The following LRRC40 variants were observed in gnomAD, a reference collection of about 807,000 sequenced individuals.
The protein encoded by LRRC40 is leucine rich repeat containing 40, also known as leucine-rich repeat-containing protein 40.
A neutral mutation model predicts 72.8 loss-of-function variants in LRRC40; 76 were observed. The ratio of observed to expected loss-of-function variants is 1.04; its 90% CI spans 0.87 to 1.26. The LOEUF (loss-of-function observed/expected upper bound fraction) is 1.26. Among genes scored for constraint, LRRC40 ranks in the 50% most tolerant of loss-of-function variants. The pLI is 0.00. For missense variants in LRRC40, 684 were observed against 698.9 expected, an observed-to-expected ratio of 0.98 and a Z score of 0.24; for synonymous variants, 243 against 254.2, an observed-to-expected ratio of 0.96 and a Z score of 0.42.
At chr1:70,187,195 A>G (rs1280607365) in intron 3 of LRRC40, 70 bp downstream of exon 3, 1 of 742,304 alleles carries the variant, frequency 1.3e-6, no homozygotes, top group East Asian at 2.8e-5. Flanking sequence ...TAATGTTGAG[A>G]AAATTTAAAG....
chr1:70,195,546 A>G (rs1668589973), intron 1 of LRRC40, among the ~76,000 whole-genome samples: 1 of 152,224 alleles, frequency 6.6e-6, no homozygotes, highest in African/African-American at 2.4e-5. Context: ...GACTGAATAC[A>G]AAGTGCTGGT....
intron 9 of LRRC40, among the ~76,000 whole-genome samples, chr1:70,169,642 G>C (rs1037953918): frequency 8.4e-4 from 127 of 152,002 alleles, no homozygotes; most frequent in African/African-American, 3.0e-3. Context: ...AAAATGAAAA[G>C]GATAAACTAT....
At chr1:70,193,997 C>T (rs1163166133) in intron 1 of LRRC40, among the ~76,000 whole-genome samples, 9 of 152,058 alleles carry the variant, frequency 5.9e-5, no homozygotes, top group East Asian at 1.9e-4. Context: ...TGGTGGAAGA[C>T]GCAGTGCTTT....
chr1:70,189,383 GA>G, intron 1 of LRRC40, 110 bp from the exon 2 acceptor site: 1 of 874,688 alleles, frequency 1.1e-6, no homozygotes. Flanking sequence ...TTTATCTATT[GA>G]AAAACATTTT....
At position 70,152,549 on chromosome 1, in the gene LRRC40, A is replaced by G. The variant is rs368416074; in HGVS notation, c.1329-6T>C. 6.8e-7 allele frequency: 1 copy of G among 1,471,408 alleles called. No homozygotes were observed. Among genetic ancestry groups the G allele is most frequent in the Non-Finnish European group, 9.5e-7 (1 of 1,053,770 alleles). 91.1% of individuals were successfully genotyped at this position (1,471,408 alleles called of 1,614,324 possible). On this transcript the variant is annotated splice_region_variant and splice_polypyrimidine_tract_variant and intron_variant, in intron 11 of 14. Coordinates refer to ENST00000370952, the MANE Select transcript of LRRC40 (RefSeq NM_017768.5). ...TTTCCTTCAGTTCTACCATCCTGAA[A>G]CAAAAATAATTTTAAAATGTTAGCA... is the stretch of plus-strand genomic sequence containing the variant.
At chr1:70,157,098 A>G (rs1667654291) in intron 10 of LRRC40, among the ~76,000 whole-genome samples, 1 of 152,214 alleles carries the variant, frequency 6.6e-6, no homozygotes, top group African/African-American at 2.4e-5. Flanking sequence ...ATGAATGACT[A>G]TGAACAGAAA....
intron 9 of LRRC40, among the ~76,000 whole-genome samples, chr1:70,160,965 G>C (rs1352336232): frequency 1.3e-5 from 2 of 151,112 alleles, no homozygotes; most frequent in Non-Finnish European, 2.9e-5. Flanking sequence ...CAATGGCAAC[G>C]AATAGAAGAT....
chr1:70,150,568 G>A (rs1009447821), intron 13 of LRRC40, among the ~76,000 whole-genome samples: 1 of 152,100 alleles, frequency 6.6e-6, no homozygotes, highest in African/African-American at 2.4e-5. Context: ...TCTAAGTTTC[G>A]TTGAGCACAA....
chr1:70,156,354 TAGAC>T (rs975506062), intron 10 of LRRC40, among the ~76,000 whole-genome samples: 33 of 152,220 alleles, frequency 2.2e-4, no homozygotes, highest in Middle Eastern at 3.4e-3. Context: ...TGTGACAAGG[TAGAC>T]AGAGCAGTGG....
In LRRC40 at chr1:70,152,419, G is replaced by GT. The variant is rs1558108964; in HGVS notation, c.1439+13dup. The stretch of plus-strand genomic sequence containing the variant: ...TAACTTTTTAAAAAGTCAAGCAATA[G>GT]TATCAATAAATACCTGAGATCTAAA... On this transcript the variant is annotated intron_variant, in intron 12 of 14. Coordinates refer to ENST00000370952, the MANE Select transcript of LRRC40 (RefSeq NM_017768.5). 1 of 1,255,298 alleles carries GT rather than the reference G, an allele frequency of 8.0e-7. No individual in the cohort carries two copies. The highest frequency in any genetic ancestry group is 1.2e-5 in the South Asian group (1 of 81,222). The allele number at this position is 1,255,298 out of a possible 1,614,324, so 77.8% of individuals were successfully genotyped here.
rs1668926212 is a variant in LRRC40 at position 70,205,474 on chromosome 1, A to T, written c.67T>A (p.Cys23Ser). 1 of 1,610,346 alleles carries T rather than the reference A, an allele frequency of 6.2e-7. No individual in the cohort carries two copies. The highest frequency in any genetic ancestry group is 1.3e-5 in the African/African-American group (1 of 74,934). The change falls in exon 1 of 15, where the codon TGC (cysteine) becomes AGC (serine). Residue 23 changes from cysteine to serine, a missense_variant. Physicochemically the swap from Cys to Ser is moderately radical, Grantham distance 112. Transcript: ENST00000370952. Reference sequence around the variant, plus strand: ...AGCCCTTGGGGTACCGAGGTACCGCAGTCTCTTCCACCTGCTTTGAAACCA... The same window carrying T: ...AGCCCTTGGGGTACCGAGGTACCGCTGTCTCTTCCACCTGCTTTGAAACCA... ...RAGFKAGGRD[C>S]GTSVPQGLLK... is the part of the protein sequence containing the mutation.
At chr1:70,197,716 T>C (rs1410088257) in intron 1 of LRRC40, among the ~76,000 whole-genome samples, 2 of 151,892 alleles carry the variant, frequency 1.3e-5, no homozygotes, top group African/African-American at 4.8e-5. Flanking sequence ...AGGACATTTA[T>C]ATGATATGGG....
chr1:70,149,474 C>T lies in LRRC40; in HGVS notation c.1518-802G>A, dbSNP rs550454111. ...CCAAGAGTACAGATGGACCAAATGA[C>T]CCCTTAATAGGCTCTTCTCTTCCCT... is the stretch of plus-strand genomic sequence containing the variant. On this transcript the variant is annotated intron_variant, in intron 13 of 14. Transcript: ENST00000370952. Among the ~76,000 whole-genome samples, 26 of 152,274 alleles carry T rather than the reference C, an allele frequency of 1.7e-4. No homozygotes were observed. The East Asian group carries it at 4.8e-3, about 28-fold the overall frequency.
At chr1:70,148,746 A>C in intron 13 of LRRC40, 74 bp from the exon 14 acceptor site, 5 of 877,398 alleles carry the variant, frequency 5.7e-6, no homozygotes, top group Non-Finnish European at 8.3e-6. Context: ...ATATTATCTT[A>C]AATTTGACAT....
intron 9 of LRRC40, among the ~76,000 whole-genome samples, chr1:70,160,018 G>A (rs924845840): frequency 2.6e-5 from 4 of 151,830 alleles, no homozygotes; most frequent in Non-Finnish European, 4.4e-5. Flanking sequence ...ACACATTCAC[G>A]CACCATCAAC....
intron 10 of LRRC40, among the ~76,000 whole-genome samples, chr1:70,158,455 C>T (rs1402228971): frequency 6.6e-6 from 1 of 152,138 alleles, no homozygotes; most frequent in Non-Finnish European, 1.5e-5. Context: ...GAACCAATTG[C>T]TACAAAAATT....
At chr1:70,155,378 A>T (rs1667614146) in intron 11 of LRRC40, among the ~76,000 whole-genome samples, 1 of 152,116 alleles carries the variant, frequency 6.6e-6, no homozygotes, top group South Asian at 2.1e-4. Flanking sequence ...GAGAGTATAT[A>T]TAATTCCCTA....
At position 70,181,126 on chromosome 1, in the gene LRRC40, A is replaced by G. The variant is rs757487279; in HGVS notation, c.621T>C (p.Asn207=). Residue 207 remains asparagine, a synonymous_variant, in exon 5 of 15, where the codon AAT becomes AAC. Transcript: ENST00000370952. The stretch of plus-strand genomic sequence containing the variant: ...TTTCTGCTGGCAAACTCTTCAGTTC[A>G]TTACTAGAAAGATTGAGTCGCACCA... ...SSLVRLNLSS[N]ELKSLPAEIN... The G allele has an allele frequency of 1.3e-5, 20 of 1,590,180 alleles. No individual in the cohort carries two copies. Among genetic ancestry groups the G allele is most frequent in the Admixed American group, 1.7e-5 (1 of 58,506 alleles).
rs1325463971 is a variant in LRRC40, at chr1:70,155,741, T to A, written c.1276A>T (p.Ile426Phe). ...DEVFDAVKSN[I>F]VTSINFSKNQ... ...TTACTGAAGTTAATAGAAGTGACGATGTTGCTTTTTACTGCATCAAACACC... is the reference window on the plus strand; with the variant it reads ...TTACTGAAGTTAATAGAAGTGACGAAGTTGCTTTTTACTGCATCAAACACC... Residue 426 changes from isoleucine to phenylalanine, a missense_variant, in exon 11 of 15, where the codon ATC becomes TTC. By Grantham distance (21) the Ile-to-Phe change is conservative (BLOSUM62 0). Transcript: ENST00000370952. The A allele has an allele frequency of 6.3e-7, 1 of 1,583,822 alleles. No individual in the cohort carries two copies. The highest frequency in any genetic ancestry group is 2.3e-5 in the East Asian group (1 of 44,308).
Sources: gnomAD v4.1 joint callset for allele counts (sites outside exome capture counted in the v4.1 genomes callset) on GRCh38, gnomAD v4.1.1 for gene constraint, MANE v1.5 for transcripts, NCBI Gene and HGNC (gene_info 2026-07-23, HGNC 2026-07-21) for gene names.